Variants in DIAPH2 observed in about 807,000 individuals in gnomAD.
DIAPH2 encodes the protein protein diaphanous homolog 2.
A neutral mutation model predicts 92.7 loss-of-function variants in DIAPH2; 35 were observed. The ratio of observed to expected loss-of-function variants is 0.38; its 90% confidence interval spans 0.29 to 0.50. The LOEUF (loss-of-function observed/expected upper bound fraction) is 0.50, where lower values mean the gene tolerates loss of function less well. DIAPH2 is among the 20% of genes least tolerant of loss of function. The pLI is 0.94. For synonymous variants in DIAPH2, 301 were observed against 280.4 expected (o/e 1.07, Z -0.73); for missense variants, 701 against 819.5 (o/e 0.86, Z 1.77).
chrX:97,525,330 T>G (rs1319184277), intron 26 of DIAPH2, among the ~76,000 whole-genome samples: 2 of 112,264 alleles, frequency 1.8e-5, no homozygotes, highest in Non-Finnish European at 3.8e-5. Context: ...TGTGTCCCCC[T>G]GCCTGGACTG....
At chrX:97,571,916 T>G (rs1655902991) in intron 26 of DIAPH2, among the ~76,000 whole-genome samples, 1 of 111,844 alleles carries the variant, frequency 8.9e-6, no homozygotes, top group Admixed American at 9.5e-5. Context: ...TGTGAAAGAA[T>G]CATTGTTGAC....
intron 22 of DIAPH2, among the ~76,000 whole-genome samples, chrX:97,201,273 G>A (rs1202793285): frequency 2.8e-5 from 3 of 107,971 alleles, no homozygotes; most frequent in South Asian, 4.2e-4. Context: ...CCAAATGAAC[G>A]CAACACCTCT....
At chrX:96,904,996 A>G (rs1162740904) in intron 5 of DIAPH2, among the ~76,000 whole-genome samples, 1 of 111,354 alleles carries the variant, frequency 9.0e-6, no homozygotes, top group Non-Finnish European at 1.9e-5. Context: ...GAGATTACAC[A>G]TGGGAATAGA....
intron 4 of DIAPH2, among the ~76,000 whole-genome samples, chrX:96,864,291 CT>C (rs771042613): frequency 0.14 from 12,517 of 87,250 alleles, 797 homozygotes; most frequent in East Asian, 0.32. Context: ...TTTTGAGGCA[CT>C]TTTTTTTTTT....
At position 96,714,738 on chromosome X, in the gene DIAPH2, TAAATC is replaced by T. The variant is rs200559402; in HGVS notation, c.133-21017_133-21013del. Among the ~76,000 whole-genome samples the T allele has an allele frequency of 5.3e-3, 594 of 112,384 alleles. 13 individuals are homozygous for T. In the East Asian group the frequency reaches 0.099, roughly 19 times the overall value. On this transcript the variant is annotated intron_variant, in intron 1 of 26. Coordinates refer to ENST00000324765, the MANE Select transcript of DIAPH2 (RefSeq NM_006729.5). Reference sequence around the variant, plus strand: ...ATGAGTGAATGAATGAGTAAATAAATAAATCAATAAATTGTATCAATGTTCTTTTT... The same window carrying T: ...ATGAGTGAATGAATGAGTAAATAAATAATAAATTGTATCAATGTTCTTTTT...
In DIAPH2 at chrX:97,438,121, T is replaced by TA. The variant is rs762607670; in HGVS notation, c.3241+8391dup. Among the ~76,000 whole-genome samples, 454 of 83,858 alleles carry TA rather than the reference T, an allele frequency of 5.4e-3. 2 individuals carry two copies. Among genetic ancestry groups the TA allele is most frequent in the East Asian group, 6.8e-3 (19 of 2,809 alleles). The allele number at this position is 83,858 out of a possible 115,157, so 72.8% of individuals were successfully genotyped here. A position where few individuals can be genotyped will look rare whatever the true frequency, so the allele number is the denominator to read the frequency against. On this transcript the variant is annotated intron_variant, in intron 26 of 26. Transcript: ENST00000324765. ...GGGCAACATAGTGAGACCCTCTCTT[T>TA]AAAAAAAAAAAAAAAGAAAAAAAAA...
rs1190615516 is a variant in DIAPH2, at chrX:97,476,984, TACACACACACACACAC to T, written c.3241+47265_3241+47280del. ...AAAAAAAAAAATATATATATATATATACACACACACACACACACACACACACACACACACACACACA... is the reference window on the plus strand; with the variant it reads ...AAAAAAAAAAATATATATATATATATACACACACACACACACACACACACA... On this transcript the variant is annotated intron_variant, in intron 26 of 26. Coordinates refer to ENST00000324765, the MANE Select transcript of DIAPH2 (RefSeq NM_006729.5). 3.9e-4 allele frequency among the ~76,000 whole-genome samples: 22 copies of T among 57,070 alleles called. 1 individual carries two copies. The highest frequency in any genetic ancestry group is 1.5e-3 in the African/African-American group (18 of 11,664). 49.6% of individuals were successfully genotyped at this position (57,070 alleles called of 115,157 possible). A position where few individuals can be genotyped will look rare whatever the true frequency, so the allele number is the denominator to read the frequency against.
intron 23 of DIAPH2, among the ~76,000 whole-genome samples, 191 bp from the exon 24 acceptor site, chrX:97,347,925 A>G (rs1399977916): frequency 3.6e-5 from 4 of 111,854 alleles, no homozygotes; most frequent in African/African-American, 1.3e-4. Flanking sequence ...GAATTGTGAG[A>G]AAATCAGTTT....
chrX:96,898,602 A>G (rs1435719623), intron 5 of DIAPH2, among the ~76,000 whole-genome samples: 21 of 106,508 alleles, frequency 2.0e-4, no homozygotes, highest in African/African-American at 7.1e-4. Context: ...AATTTGTTTG[A>G]GTTCATTGTA....
intron 26 of DIAPH2, among the ~76,000 whole-genome samples, chrX:97,586,507 A>G (rs1274250588): frequency 8.9e-6 from 1 of 111,840 alleles, no homozygotes; most frequent in African/African-American, 3.3e-5. Flanking sequence ...CTGAAGTTCA[A>G]GAGCCTTAAA....
chrX:97,168,089 C>CTTTT (rs59856390), intron 22 of DIAPH2, among the ~76,000 whole-genome samples: 1 of 96,716 alleles, frequency 1.0e-5, no homozygotes, highest in Non-Finnish European at 2.1e-5. Context: ...ATTAGACAGT[C>CTTTT]TTTTTTTTTT....
chrX:97,408,168 G>C (rs1435921644), intron 25 of DIAPH2, among the ~76,000 whole-genome samples: 3 of 111,225 alleles, frequency 2.7e-5, no homozygotes, highest in Non-Finnish European at 1.9e-5. Flanking sequence ...TTCCTCTAAT[G>C]AAGCACCCTA....
chrX:97,242,870 T>C (rs2068108271), intron 22 of DIAPH2, among the ~76,000 whole-genome samples: 2 of 110,053 alleles, frequency 1.8e-5, no homozygotes, highest in Admixed American at 2.0e-4. Context: ...CACTACAAGC[T>C]CCGCCTCCCA....
chrX:97,304,764 A>T (rs755218070), intron 23 of DIAPH2, among the ~76,000 whole-genome samples: 49 of 112,280 alleles, frequency 4.4e-4, no homozygotes, highest in Non-Finnish European at 3.6e-4. Flanking sequence ...TCTTTTCAGA[A>T]ATTGCATTCT....
At chrX:96,939,518 A>ATATATATATATG (rs1324944046) in intron 12 of DIAPH2, 136 bp downstream of exon 12, 1 of 45,653 alleles carries the variant, frequency 2.2e-5, no homozygotes, top group East Asian at 5.0e-4. Flanking sequence ...ATATGTATGT[A>ATATATATATATG]TATATATATA....
intron 26 of DIAPH2, among the ~76,000 whole-genome samples, chrX:97,435,790 CT>C (rs371663408): frequency 7.9e-4 from 79 of 100,396 alleles, no homozygotes; most frequent in African/African-American, 2.2e-3. Context: ...GAAAATGACT[CT>C]TTTTTTTTTT....
intron 17 of DIAPH2, among the ~76,000 whole-genome samples, chrX:97,024,925 C>G (rs773916959): frequency 8.9e-6 from 1 of 111,900 alleles, no homozygotes; most frequent in Non-Finnish European, 1.9e-5. Flanking sequence ...GGATGGGGGT[C>G]GGAGTGTTGT....
chrX:97,094,343 A>G (rs1449757398), intron 19 of DIAPH2, among the ~76,000 whole-genome samples: 23 of 111,868 alleles, frequency 2.1e-4, no homozygotes, highest in Non-Finnish European at 1.9e-5. Context: ...TCTTTAGGAT[A>G]TGTTTCTCTG....
intron 24 of DIAPH2, among the ~76,000 whole-genome samples, chrX:97,373,495 A>T (rs1450502637): frequency 1.8e-5 from 2 of 109,013 alleles, no homozygotes; most frequent in Non-Finnish European, 3.8e-5. Flanking sequence ...TGTTATGAAG[A>T]CTACAACAAG....
Sources: allele counts gnomAD v4.1 joint callset (sites outside exome capture counted in the v4.1 genomes callset), GRCh38; gene constraint gnomAD v4.1.1; transcripts MANE v1.5; gene names NCBI Gene and HGNC (gene_info 2026-07-23, HGNC 2026-07-21).